The following LIMS1 variants were observed in gnomAD, a reference collection of about 807,000 sequenced individuals.
LIMS1 encodes the protein LIM zinc finger domain containing 1.
A neutral mutation model predicts 44.1 loss-of-function variants in LIMS1; 18 were observed. The ratio of observed to expected loss-of-function variants is 0.41; its 90% CI spans 0.28 to 0.61. LIMS1 has a LOEUF of 0.61. LIMS1 is among the 20% of genes least tolerant of loss of function. The probability of loss-of-function intolerance (pLI) is 0.32; values close to 1 mark genes in which losing one functional copy is unlikely to be tolerated. For synonymous variants in LIMS1, 93 were observed against 149.1 expected (o/e 0.62, Z 2.74); for missense variants, 201 against 422.0 (o/e 0.48, Z 4.59).
chr2:108,606,072 G>A (rs1477705689), intron 1 of LIMS1, among the ~76,000 whole-genome samples: 1 of 152,220 alleles, frequency 6.6e-6, no homozygotes, highest in Non-Finnish European at 1.5e-5. Context: ...TCTGGCTGTT[G>A]TAGTCACTGA....
chr2:108,533,860 A>G (rs780683144), upstream of LIMS1: 6 of 152,658 alleles, frequency 3.9e-5, no homozygotes, highest in African/African-American at 1.4e-4. Flanking sequence ...CTCCATGCGG[A>G]GCTCAGGCAC....
In LIMS1 at chr2:108,623,441, A is replaced by G. The variant is rs181789728; in HGVS notation, c.33-36164A>G. On this transcript the variant is annotated intron_variant, in intron 1 of 9. Coordinates refer to ENST00000544547, the Ensembl canonical transcript of LIMS1. ...AAAAATAAGGATAAAAATAACTACTATTATTGAACATTATTTACTCTCTCA... is the reference window on the plus strand; with the variant it reads ...AAAAATAAGGATAAAAATAACTACTGTTATTGAACATTATTTACTCTCTCA... Among the ~76,000 whole-genome samples, 8 of 152,160 alleles carry G rather than the reference A, an allele frequency of 5.3e-5. No homozygotes were observed. The East Asian group carries it at 1.2e-3, about 22-fold the overall frequency.
At chr2:108,562,190 C>CT (rs1318580424) in intron 1 of LIMS1, among the ~76,000 whole-genome samples, 1 of 152,232 alleles carries the variant, frequency 6.6e-6, no homozygotes, top group East Asian at 1.9e-4. Flanking sequence ...TCACCCTCTC[C>CT]TTGGGCCTCC....
At chr2:108,600,922 T>TCTTCTCTTCTCTTCTCTTCTCTTCC (rs1686978119) in intron 1 of LIMS1, among the ~76,000 whole-genome samples, 1 of 146,514 alleles carries the variant, frequency 6.8e-6, no homozygotes, top group African/African-American at 2.6e-5. Flanking sequence ...TCTTCTCTTC[T>TCTTCTCTTCTCTTCTCTTCTCTTCC]CTTCTCTTCT....
chr2:108,551,489 G>GCACACACA (rs758535653), intron 1 of LIMS1, among the ~76,000 whole-genome samples: 6 of 111,970 alleles, frequency 5.4e-5, no homozygotes, highest in East Asian at 2.2e-4. Flanking sequence ...ATGCGCGCGC[G>GCACACACA]CGCACACACA....
intron 1 of LIMS1, among the ~76,000 whole-genome samples, chr2:108,616,452 C>G (rs924582700): frequency 5.3e-5 from 8 of 152,144 alleles, no homozygotes; most frequent in Non-Finnish European, 1.0e-4. Flanking sequence ...CTCAAGCTGT[C>G]TGTTCACCTC....
rs372951624 is a variant in LIMS1 at position 108,611,740 on chromosome 2, G to A, written c.33-47865G>A. Among the ~76,000 whole-genome samples the A allele has an allele frequency of 2.0e-3, 309 of 151,280 alleles. 3 individuals are homozygous for A. Among genetic ancestry groups the A allele is most frequent in the African/African-American group, 7.1e-3 (292 of 41,292 alleles). The stretch of plus-strand genomic sequence containing the variant: ...ACAAAAATACAGAAATTAGCTGGGC[G>A]TGGTGGCATGAGCCTGTAGTCTCAG... On this transcript the variant is annotated intron_variant, in intron 1 of 9. Coordinates refer to ENST00000544547, the Ensembl canonical transcript of LIMS1.
chr2:108,547,974 A>G (rs565287360), intron 1 of LIMS1, among the ~76,000 whole-genome samples: 14 of 152,312 alleles, frequency 9.2e-5, no homozygotes, highest in Middle Eastern at 3.4e-3. Context: ...TATTTTTGCA[A>G]TAGCCGTGAA....
At position 108,624,869 on chromosome 2, in the gene LIMS1, A is replaced by G. The variant is rs1448215283; in HGVS notation, c.33-34736A>G. On this transcript the variant is annotated intron_variant, in intron 1 of 9. Coordinates refer to ENST00000544547, the Ensembl canonical transcript of LIMS1. ...CGAGGCAGGCAGATCACCTGAGCTC[A>G]GGAGTTCAAGACCACTCTGGGCAAC... 2.6e-5 allele frequency among the ~76,000 whole-genome samples: 4 copies of G among 152,248 alleles called. No individual in the cohort carries two copies. The East Asian group carries it at 7.7e-4, about 29-fold the overall frequency.
At chr2:108,535,925 C>T (rs1427982214) in intron 1 of LIMS1, among the ~76,000 whole-genome samples, 3 of 152,056 alleles carry the variant, frequency 2.0e-5, no homozygotes, top group Admixed American at 6.6e-5. Context: ...CAGAAGTGCA[C>T]GCCTGCCATT....
At chr2:108,536,792 AG>A (rs1432685341) in intron 1 of LIMS1, among the ~76,000 whole-genome samples, 1 of 152,138 alleles carries the variant, frequency 6.6e-6, no homozygotes, top group Non-Finnish European at 1.5e-5. Context: ...CATGTTGTCC[AG>A]GCTAGTCTGG....
Position 108,534,463 on chromosome 2 carries a change from GC to G in LIMS1, c.-97del, listed in dbSNP as rs1684044184. 1 of 989,864 alleles carries G rather than the reference GC, an allele frequency of 1.0e-6. No individual in the cohort carries two copies. The highest frequency in any genetic ancestry group is 1.3e-6 in the Non-Finnish European group (1 of 785,438). The allele number at this position is 989,864 out of a possible 1,614,324, so 61.3% of individuals were successfully genotyped here. On this transcript the variant is annotated 5_prime_UTR_variant, in exon 1 of 10. Coordinates refer to ENST00000544547, the Ensembl canonical transcript of LIMS1. ...GGCCTTCCTCCCCTTCCTGCTCCGG[GC>G]CCGCCAGTAGCCGGCCGCGGCGGCG...
chr2:108,683,984 C>T (rs1265786900), exon 10 of LIMS1: 1 of 1,552,810 alleles, frequency 6.4e-7, no homozygotes, highest in Non-Finnish European at 8.8e-7. Flanking sequence ...TAGCTGAGAC[C>T]TTAGGAAGGA....
intron 1 of LIMS1, among the ~76,000 whole-genome samples, chr2:108,563,320 A>G (rs1168307018): frequency 6.6e-6 from 1 of 152,232 alleles, no homozygotes; most frequent in African/African-American, 2.4e-5. Context: ...TGATTCCTCT[A>G]ATGGATCTGG....
chr2:108,544,973 TC>T (rs1356914739), intron 1 of LIMS1, among the ~76,000 whole-genome samples: 2 of 152,216 alleles, frequency 1.3e-5, no homozygotes, highest in African/African-American at 4.8e-5. Flanking sequence ...GAGTAGTAAT[TC>T]CTTGATATCA....
At chr2:108,675,962 T>C in exon 6 of LIMS1, 1 of 1,613,980 alleles carries the variant, frequency 6.2e-7, no homozygotes, top group Non-Finnish European at 8.5e-7. Flanking sequence ...TCCCCATCTG[T>C]GGTGCTTGCC....
intron 1 of LIMS1, among the ~76,000 whole-genome samples, chr2:108,570,060 A>G (rs1205163099): frequency 6.6e-6 from 1 of 152,232 alleles, no homozygotes; most frequent in Non-Finnish European, 1.5e-5. Flanking sequence ...TACAGGAATT[A>G]TGGAGAACTT....
chr2:108,564,311 G>A (rs1033689512), intron 1 of LIMS1, among the ~76,000 whole-genome samples: 6 of 152,130 alleles, frequency 3.9e-5, no homozygotes, highest in African/African-American at 1.4e-4. Flanking sequence ...TAATGCTCTT[G>A]CACACTTAAT....
chr2:108,631,941 T>C (rs540695650), intron 1 of LIMS1, among the ~76,000 whole-genome samples: 1 of 152,314 alleles, frequency 6.6e-6, no homozygotes, highest in African/African-American at 2.4e-5. Context: ...CCGCTTTGCA[T>C]ATATGCCTCC....
Sources: gnomAD v4.1 joint callset for allele counts (sites outside exome capture counted in the v4.1 genomes callset) on GRCh38, gnomAD v4.1.1 for gene constraint, MANE v1.5 for transcripts, NCBI Gene and HGNC (gene_info 2026-07-23, HGNC 2026-07-21) for gene names.